Variants in DAB1 observed in about 807,000 individuals in gnomAD.
DAB1 encodes the protein disabled homolog 1.
A neutral mutation model predicts 64.6 loss-of-function variants in DAB1; 15 were observed. The observed-to-expected ratio is 0.23, with a 90% CI of 0.16 to 0.36. The LOEUF (loss-of-function observed/expected upper bound fraction) is 0.36. Ranked by LOEUF, DAB1 falls within the 10% of genes least tolerant of loss-of-function variation. The pLI is 1.00. For synonymous variants in DAB1, 235 were observed against 251.9 expected (o/e 0.93, Z 0.64); for missense variants, 596 against 706.7 (o/e 0.84, Z 1.78).
chr1:57,606,574 A>T (rs1281878523), intron 7 of DAB1, among the ~76,000 whole-genome samples: 2 of 105,148 alleles, frequency 1.9e-5, no homozygotes, highest in African/African-American at 3.6e-5. Context: ...TTATATATGA[A>T]ATATATAATA....
chr1:58,476,159 T>A (rs928492401), intron 3 of DAB1, among the ~76,000 whole-genome samples: 12 of 152,208 alleles, frequency 7.9e-5, no homozygotes, highest in African/African-American at 2.9e-4. Context: ...GTTTAATATT[T>A]CAAAGAGCTT....
chr1:57,595,351 T>G (rs921477524), intron 7 of DAB1, among the ~76,000 whole-genome samples: 2 of 152,156 alleles, frequency 1.3e-5, no homozygotes, highest in South Asian at 4.1e-4. Flanking sequence ...TCAGCTTTTT[T>G]GGGCCCCCAA....
intron 3 of DAB1, among the ~76,000 whole-genome samples, chr1:58,437,716 A>C (rs1383538618): frequency 1.3e-5 from 2 of 152,222 alleles, no homozygotes; most frequent in Non-Finnish European, 2.9e-5. Flanking sequence ...TTTGTGGGGG[A>C]TATAGCATTA....
chr1:58,073,522 A>G (rs1338245019), intron 5 of DAB1, among the ~76,000 whole-genome samples: 2 of 152,204 alleles, frequency 1.3e-5, no homozygotes, highest in Non-Finnish European at 2.9e-5. Flanking sequence ...GCCTAAGACT[A>G]TGTCTGGTAG....
At chr1:57,354,466 T>C (rs1678895561) in intron 1 of DAB1, among the ~76,000 whole-genome samples, 1 of 152,094 alleles carries the variant, frequency 6.6e-6, no homozygotes, top group Non-Finnish European at 1.5e-5. Context: ...TTCAATGAAA[T>C]TGCCAGACTC....
At chr1:58,149,544 G>A (rs896024266) in intron 5 of DAB1, among the ~76,000 whole-genome samples, 1 of 152,062 alleles carries the variant, frequency 6.6e-6, no homozygotes, top group Non-Finnish European at 1.5e-5. Flanking sequence ...ACAGGGCTTC[G>A]GATCCCAAAT....
At chr1:57,687,866 G>A (rs1433249528) in intron 6 of DAB1, among the ~76,000 whole-genome samples, 2 of 152,124 alleles carry the variant, frequency 1.3e-5, no homozygotes, top group African/African-American at 2.4e-5. Flanking sequence ...CTAGCCATAT[G>A]CAGAAGAATG....
chr1:57,068,167 T>C (rs910153399), intron 8 of DAB1, among the ~76,000 whole-genome samples: 3 of 151,992 alleles, frequency 2.0e-5, no homozygotes, highest in Non-Finnish European at 2.9e-5. Context: ...AAAGGGGCCC[T>C]CTCTTCTTAG....
At chr1:58,345,982 T>C (rs1389991685) in intron 3 of DAB1, among the ~76,000 whole-genome samples, 3 of 151,942 alleles carry the variant, frequency 2.0e-5, no homozygotes, top group Non-Finnish European at 4.4e-5. Flanking sequence ...CAGCTCAGAG[T>C]GAGACACTGA....
chr1:57,209,968 A>G (rs1048120011), intron 2 of DAB1, among the ~76,000 whole-genome samples: 1 of 152,212 alleles, frequency 6.6e-6, no homozygotes, highest in Non-Finnish European at 1.5e-5. Flanking sequence ...CTAAATTGAA[A>G]TCTCATTTTA....
At chr1:57,621,736 A>C (rs1645862187) in intron 7 of DAB1, among the ~76,000 whole-genome samples, 1 of 152,198 alleles carries the variant, frequency 6.6e-6, no homozygotes, top group Non-Finnish European at 1.5e-5. Flanking sequence ...CTTGCCTCTG[A>C]AGGCAATCAA....
At chr1:57,631,972 GA>G (rs1444954883) in intron 7 of DAB1, among the ~76,000 whole-genome samples, 1 of 152,148 alleles carries the variant, frequency 6.6e-6, no homozygotes, top group East Asian at 1.9e-4. Flanking sequence ...CAGAGTTATT[GA>G]TCAGGGAAGT....
At chr1:57,137,863 T>G (rs1364343441) in intron 3 of DAB1, among the ~76,000 whole-genome samples, 1 of 152,184 alleles carries the variant, frequency 6.6e-6, no homozygotes, top group Middle Eastern at 3.2e-3. Flanking sequence ...TTGAGGATGT[T>G]TGATTATCCT....
chr1:58,481,827 C>T (rs1019166627), intron 3 of DAB1, among the ~76,000 whole-genome samples: 3 of 152,242 alleles, frequency 2.0e-5, no homozygotes, highest in Middle Eastern at 3.4e-3. Flanking sequence ...TCTTGACTGC[C>T]GCCATGTAAG....
intron 6 of DAB1, among the ~76,000 whole-genome samples, chr1:57,796,268 C>A (rs1650857741): frequency 6.6e-6 from 1 of 152,082 alleles, no homozygotes; most frequent in Non-Finnish European, 1.5e-5. Context: ...TGGCTCACGC[C>A]TGTAATACAA....
chr1:58,487,435 T>C (rs1030677925), intron 3 of DAB1, among the ~76,000 whole-genome samples: 3 of 152,236 alleles, frequency 2.0e-5, no homozygotes, highest in Admixed American at 6.5e-5. Context: ...TTTAAAGTTA[T>C]TGTTTTTATC....
chr1:58,341,546 T>C (rs972995908), intron 4 of DAB1, among the ~76,000 whole-genome samples: 12 of 152,216 alleles, frequency 7.9e-5, no homozygotes, highest in African/African-American at 2.9e-4. Context: ...AAGTAGATCG[T>C]ATCTGCAGTT....
chr1:58,373,167 T>G (rs1357695935), intron 3 of DAB1, among the ~76,000 whole-genome samples: 1 of 147,974 alleles, frequency 6.8e-6, no homozygotes, highest in Non-Finnish European at 1.5e-5. Flanking sequence ...GCTTACTATT[T>G]TCTTTTTTTT....
chr1:57,885,348 G>A (rs1297647077), upstream of DAB1, among the ~76,000 whole-genome samples: 1 of 152,194 alleles, frequency 6.6e-6, no homozygotes, highest in African/African-American at 2.4e-5. Flanking sequence ...ATGAAGGGCA[G>A]AGCCAGGATT....
Sources: gnomAD v4.1 joint callset for allele counts (sites outside exome capture counted in the v4.1 genomes callset) on GRCh38, gnomAD v4.1.1 for gene constraint, MANE v1.5 for transcripts, NCBI Gene and HGNC (gene_info 2026-07-23, HGNC 2026-07-21) for gene names.